Variants in CLIP1 observed in about 807,000 individuals in gnomAD.
CLIP1 encodes the protein CAP-Gly domain-containing linker protein 1.
A neutral mutation model predicts 161.6 loss-of-function variants in CLIP1; 66 were observed. The observed-to-expected ratio is 0.41, with a 90% CI of 0.33 to 0.50. CLIP1 has a LOEUF of 0.50. CLIP1 is among the 20% of genes least tolerant of loss of function. The probability of loss-of-function intolerance (pLI) is 0.27; values close to 1 mark genes in which losing one functional copy is unlikely to be tolerated. For missense variants in CLIP1, 1,376 were observed against 1,702.0 expected, an observed-to-expected ratio of 0.81 and a Z score of 3.37; for synonymous variants, 598 against 626.2, an observed-to-expected ratio of 0.96 and a Z score of 0.67.
chr12:122,327,170 G>C (rs1021903432), intron 17 of CLIP1, among the ~76,000 whole-genome samples: 9 of 152,130 alleles, frequency 5.9e-5, no homozygotes, highest in Admixed American at 5.2e-4. Flanking sequence ...GGCAGGCCAG[G>C]CATGGTGGCT....
chr12:122,298,142 A>G (rs1950544590), intron 20 of CLIP1, among the ~76,000 whole-genome samples: 1 of 152,162 alleles, frequency 6.6e-6, no homozygotes, highest in African/African-American at 2.4e-5. Flanking sequence ...CCGAGAGCAT[A>G]CTTCGGTAAG....
Position 122,355,155 on chromosome 12 carries a change from A to G in CLIP1, c.1163T>C (p.Ile388Thr). 3 of 1,614,032 alleles carry G rather than the reference A, an allele frequency of 1.9e-6. No individual in the cohort carries two copies. The highest frequency in any genetic ancestry group is 1.3e-5 in the African/African-American group (1 of 74,916). ...VAKATSHVGE[I>T]EQELALARDG... Reference sequence around the variant, plus strand: ...CCGGGCCAGAGCTAGCTCCTGCTCTATCTCCCCCACGTGGCTCGTGGCCTT... The same window carrying G: ...CCGGGCCAGAGCTAGCTCCTGCTCTGTCTCCCCCACGTGGCTCGTGGCCTT... The change falls in exon 6 of 26, where the codon ATA becomes ACA. Residue 388 changes from isoleucine to threonine, a missense_variant. Physicochemically the swap from Ile to Thr is moderately conservative, Grantham distance 89 (BLOSUM62 -1). Transcript: ENST00000620786. The surrounding 1 kb of genome is among the most constrained non-coding windows in gnomAD (Gnocchi z 4.1).
chr12:122,387,594 T>A (rs1472935234), intron 1 of CLIP1, among the ~76,000 whole-genome samples: 6 of 51,684 alleles, frequency 1.2e-4, no homozygotes, highest in East Asian at 5.4e-4. Flanking sequence ...ATATATATTT[T>A]TTTTTTTTTT....
At chr12:122,285,627 C>T (rs1592974023) in intron 21 of CLIP1, among the ~76,000 whole-genome samples, 1 of 150,064 alleles carries the variant, frequency 6.7e-6, no homozygotes, top group South Asian at 2.1e-4. Context: ...GCGTGAGCCA[C>T]CGCACCCGAC....
intron 1 of CLIP1, among the ~76,000 whole-genome samples, chr12:122,383,858 A>G (rs959278376): frequency 8.5e-5 from 13 of 152,116 alleles, no homozygotes; most frequent in African/African-American, 2.9e-4. Flanking sequence ...AAAAAAAGAC[A>G]TTGTTGCCTC....
At chr12:122,405,810 C>A (rs554094278) in intron 1 of CLIP1, among the ~76,000 whole-genome samples, 1 of 134,452 alleles carries the variant, frequency 7.4e-6, no homozygotes, top group Admixed American at 7.4e-5. Flanking sequence ...TGCTCACGGC[C>A]GTAATCCCAG....
intron 1 of CLIP1, among the ~76,000 whole-genome samples, chr12:122,403,502 T>G (rs1485764572): frequency 4.1e-5 from 6 of 147,048 alleles, no homozygotes; most frequent in Non-Finnish European, 7.5e-5. Flanking sequence ...TTGTTTTGTT[T>G]TTTTTTTTTT....
rs753964690 is a variant in CLIP1 at position 122,354,554 on chromosome 12, A to G, written c.1206T>C (p.His402=). The G allele has an allele frequency of 6.2e-7, 1 of 1,612,796 alleles. No individual in the cohort carries two copies. The highest frequency in any genetic ancestry group is 2.2e-5 in the East Asian group (1 of 44,836). The change falls in exon 7 of 26, where the codon CAT becomes CAC. Residue 402 remains histidine (H), a splice_region_variant and synonymous_variant. Transcript: ENST00000620786. The stretch of plus-strand genomic sequence containing the variant: ...CCATTTTGGCTTCCAATTCCAGGAC[A>G]TGCTGGGGAAGGCAAGAATGTCGGT... The part of the protein sequence containing the change: ...LALARDGHDQ[H]VLELEAKMDQ...
intron 21 of CLIP1, among the ~76,000 whole-genome samples, chr12:122,281,565 G>A (rs190991698): frequency 7.2e-5 from 11 of 152,006 alleles, no homozygotes; most frequent in East Asian, 5.8e-4. Flanking sequence ...GCATGGCAGC[G>A]CATGCTTGTT....
intron 20 of CLIP1, among the ~76,000 whole-genome samples, chr12:122,300,627 C>T (rs1429817520): frequency 6.6e-6 from 1 of 151,890 alleles, no homozygotes; most frequent in Admixed American, 6.6e-5. Flanking sequence ...TGCAGTGGCG[C>T]GATCTCAGCT....
intron 1 of CLIP1, among the ~76,000 whole-genome samples, chr12:122,414,796 T>C (rs766445173): frequency 3.0e-4 from 45 of 152,128 alleles, no homozygotes; most frequent in Non-Finnish European, 4.9e-4. Context: ...TCGGTCATTA[T>C]GGTTTCCCTT....
intron 1 of CLIP1, among the ~76,000 whole-genome samples, chr12:122,393,707 T>C (rs1431942997): frequency 2.0e-5 from 3 of 151,822 alleles, no homozygotes; most frequent in Non-Finnish European, 4.4e-5. Flanking sequence ...AGGTCAGTAG[T>C]TCGAGACCAG....
At chr12:122,286,855 G>A (rs774239184) in intron 21 of CLIP1, among the ~76,000 whole-genome samples, 17 of 152,058 alleles carry the variant, frequency 1.1e-4, no homozygotes, top group Admixed American at 1.3e-4. Context: ...AAATTTAGCC[G>A]GGTGTGGTGT....
In CLIP1 at chr12:122,341,555, T is replaced by C; in HGVS notation, c.1649A>G (p.Gln550Arg). ...CTTTTCTTGCAAAGAGCTTATCTCT[T>C]GCAAAAGGGAAAGTGACATGTCCAC... ...GDVDMSLSLLQEISSLQEKLE... is the reference protein window; with the variant it reads ...GDVDMSLSLLREISSLQEKLE... Residue 550 changes from glutamine to arginine, a missense_variant, in exon 11 of 26, where the codon CAA becomes CGA. Coordinates refer to ENST00000620786, the MANE Select transcript of CLIP1 (RefSeq NM_001247997.2). 6.2e-7 allele frequency: 1 copy of C among 1,614,088 alleles called. No homozygotes were observed.
At chr12:122,404,620 G>A (rs1299282053) in intron 1 of CLIP1, among the ~76,000 whole-genome samples, 1 of 148,746 alleles carries the variant, frequency 6.7e-6, no homozygotes, top group African/African-American at 2.5e-5. Context: ...ACAAAGGCCA[G>A]GTACAGTGGC....
chr12:122,272,485 A>G lies in CLIP1; in HGVS notation c.*390T>C, dbSNP rs114495668. On this transcript the variant is annotated 3_prime_UTR_variant, in exon 26 of 26. Coordinates refer to ENST00000620786, the MANE Select transcript of CLIP1 (RefSeq NM_001247997.2). ...GTCAAAGCTTAACCAAAAAATCTAAATATACAAATGCAGCCTGGAAATATC... is the reference window on the plus strand; with the variant it reads ...GTCAAAGCTTAACCAAAAAATCTAAGTATACAAATGCAGCCTGGAAATATC... 1,042 of 170,878 alleles carry G rather than the reference A, an allele frequency of 6.1e-3. 15 individuals are homozygous for G. The highest frequency in any genetic ancestry group is 0.024 in the African/African-American group (989 of 41,920). 10.6% of individuals were successfully genotyped at this position (170,878 alleles called of 1,614,324 possible).
intron 1 of CLIP1, among the ~76,000 whole-genome samples, chr12:122,409,747 G>T (rs1379111102): frequency 1.3e-5 from 2 of 151,944 alleles, no homozygotes; most frequent in African/African-American, 4.8e-5. Flanking sequence ...GGCCAGGCTG[G>T]TCTCGAACTC....
chr12:122,358,103 C>A (rs1375984767), intron 5 of CLIP1, among the ~76,000 whole-genome samples: 7 of 152,076 alleles, frequency 4.6e-5, no homozygotes, highest in African/African-American at 1.7e-4. Context: ...AAGAAAAATT[C>A]TTCTGCCTTG....
intron 21 of CLIP1, among the ~76,000 whole-genome samples, chr12:122,287,782 T>C (rs1381909204): frequency 6.6e-6 from 1 of 152,168 alleles, no homozygotes; most frequent in Non-Finnish European, 1.5e-5. Context: ...TTAAAGCAAA[T>C]AGAAACACTT....
Sources: allele counts gnomAD v4.1 joint callset (sites outside exome capture counted in the v4.1 genomes callset), GRCh38; gene constraint gnomAD v4.1.1; non-coding constraint Gnocchi (gnomAD v3.1); transcripts MANE v1.5; gene names NCBI Gene and HGNC (gene_info 2026-07-23, HGNC 2026-07-21).